The following MBTPS2 variants were observed in gnomAD, a reference collection of about 807,000 sequenced individuals.
MBTPS2 encodes membrane bound transcription factor peptidase, site 2.
A neutral mutation model predicts 35.4 loss-of-function variants in MBTPS2; 2 were observed. The ratio of observed to expected loss-of-function variants is 0.06; its 90% CI spans 0.02 to 0.18. MBTPS2 has a LOEUF of 0.18. Ranked by LOEUF, MBTPS2 falls within the 10% of genes least tolerant of loss-of-function variation. The pLI is 1.00. For missense variants in MBTPS2, 244 were observed against 386.5 expected (o/e 0.63, Z 3.09); for synonymous variants, 125 against 140.4 (o/e 0.89, Z 0.77).
intron 2 of MBTPS2, among the ~76,000 whole-genome samples, chrX:21,843,834 GC>G (rs1237762321): frequency 3.6e-5 from 4 of 111,205 alleles, no homozygotes; most frequent in African/African-American, 1.3e-4. Context: ...TATTAATTGG[GC>G]CGGGCGCAGT....
intron 5 of MBTPS2, among the ~76,000 whole-genome samples, chrX:21,862,921 TATATATATAAAC>T (rs1361611653): frequency 0.029 from 1,642 of 55,966 alleles, 39 homozygotes; most frequent in Non-Finnish European, 0.042. Flanking sequence ...TATATAAACA[TATATATATAAAC>T]ATATATATAT....
Position 21,873,997 on chromosome X carries a change from G to GTATATATATA in MBTPS2, c.971-4044_971-4043insATATATATAT, listed in dbSNP as rs1487065636. On this transcript the variant is annotated intron_variant, in intron 7 of 10. Transcript: ENST00000379484. ...TGTGTCTGTGTGTGTGTGTGTGTGT[G>GTATATATATA]TGTGTATATATATATATATATACTT... Among the ~76,000 whole-genome samples the GTATATATATA allele has an allele frequency of 1.9e-3, 138 of 72,594 alleles. 2 individuals carry two copies. The highest frequency in any genetic ancestry group is 7.0e-3 in the African/African-American group (129 of 18,319). 63.0% of individuals were successfully genotyped at this position (72,594 alleles called of 115,157 possible). A position where few individuals can be genotyped will look rare whatever the true frequency, so the allele number is the denominator to read the frequency against.
At chrX:21,851,474 A>G (rs904091794) in intron 3 of MBTPS2, 35 bp from the exon 4 acceptor site, 1 of 927,372 alleles carries the variant, frequency 1.1e-6, no homozygotes. Flanking sequence ...CTGCACCCCC[A>G]CTGATAATTG....
At chrX:21,848,870 AG>A (rs2092911513) in intron 3 of MBTPS2, among the ~76,000 whole-genome samples, 1 of 112,142 alleles carries the variant, frequency 8.9e-6, no homozygotes, top group South Asian at 3.7e-4. Context: ...AATAAATTCC[AG>A]TTGAATTAAA....
At chrX:21,845,006 C>G (rs56410625) in intron 2 of MBTPS2, among the ~76,000 whole-genome samples, 165 bp from the exon 3 acceptor site, 21 of 112,386 alleles carry the variant, frequency 1.9e-4, no homozygotes, top group African/African-American at 5.5e-4. Flanking sequence ...AACTAGTGCT[C>G]ATGCTGCAGT....
At chrX:21,854,457 AAATC>A (rs752236671) in intron 5 of MBTPS2, among the ~76,000 whole-genome samples, 4 of 112,658 alleles carry the variant, frequency 3.6e-5, no homozygotes, top group African/African-American at 6.4e-5. Flanking sequence ...TGTACAAAAT[AAATC>A]TGTGTAAATA....
chrX:21,842,260 G>T (rs778936949), intron 1 of MBTPS2, among the ~76,000 whole-genome samples: 1 of 111,635 alleles, frequency 9.0e-6, no homozygotes, highest in African/African-American at 3.2e-5. Flanking sequence ...CTGTGTATAA[G>T]CCCCTATCCC....
At position 21,883,387 on chromosome X, in the gene MBTPS2, A is replaced by G. The variant is rs2092961425; in HGVS notation, c.*732A>G. ...TTGACATCCACGGTGAGCTGCAGGA[A>G]GCATCACACACCAGCAGCATGTGAG... On this transcript the variant is annotated 3_prime_UTR_variant, in exon 11 of 11. Coordinates refer to ENST00000379484, the MANE Select transcript of MBTPS2 (RefSeq NM_015884.4). The G allele has an allele frequency of 2.7e-6, 2 of 753,095 alleles. No individual in the cohort carries two copies. The highest frequency in any genetic ancestry group is 2.3e-5 in the African/African-American group (1 of 43,149). The allele number at this position is 753,095 out of a possible 1,213,427, so 62.1% of individuals were successfully genotyped here.
chrX:21,875,220 C>T (rs759440087), intron 7 of MBTPS2, among the ~76,000 whole-genome samples: 2 of 112,123 alleles, frequency 1.8e-5, no homozygotes, highest in East Asian at 5.6e-4. Flanking sequence ...TTTGCTTTGG[C>T]TTGCCCAGTG....
intron 5 of MBTPS2, chrX:21,856,823 C>T (rs1243654909): frequency 1.7e-6 from 2 of 1,211,705 alleles, no homozygotes; most frequent in Non-Finnish European, 2.2e-6. Context: ...GCATTGAAGA[C>T]GAGCACTTCC....
At position 21,845,279 on chromosome X, in the gene MBTPS2, T is replaced by A; in HGVS notation, c.333T>A (p.Ser111=). The A allele has an allele frequency of 8.3e-7, 1 of 1,207,941 alleles. No homozygotes were observed. Among genetic ancestry groups the A allele is most frequent in the Non-Finnish European group, 1.1e-6 (1 of 892,091 alleles). Residue 111 remains serine, a synonymous_variant, in exon 3 of 11, where the codon TCT becomes TCA. Coordinates refer to ENST00000379484, the MANE Select transcript of MBTPS2 (RefSeq NM_015884.4). The stretch of plus-strand genomic sequence containing the variant: ...CACAAATGATGGCTGACTCTCCCTC[T>A]TCTTATTCTTCCTCCTCTTCTTCCT... ...TLAQMMADSP[S]SYSSSSSSSS...
At chrX:21,866,605 A>G (rs2092940047) in intron 5 of MBTPS2, among the ~76,000 whole-genome samples, 1 of 112,148 alleles carries the variant, frequency 8.9e-6, no homozygotes, top group Non-Finnish European at 1.9e-5. Flanking sequence ...CAGGGCCTAT[A>G]TAGAGAAACT....
chrX:21,868,719 C>T, intron 6 of MBTPS2, 134 bp downstream of exon 6: 1 of 523,685 alleles, frequency 1.9e-6, no homozygotes. Context: ...TTACTGTAGT[C>T]CTCTCAAATC....
chrX:21,857,035 C>G lies in MBTPS2; in HGVS notation c.670+3532C>G, dbSNP rs1407114061. ...GTCAAAACGCTGGAGGGTGAGTTTTCCGTGACTATGTGGTCCCCTAACGAT... is the reference window on the plus strand; with the variant it reads ...GTCAAAACGCTGGAGGGTGAGTTTTGCGTGACTATGTGGTCCCCTAACGAT... On this transcript the variant is annotated intron_variant, in intron 5 of 10. Transcript: ENST00000379484. 3 of 1,211,806 alleles carry G rather than the reference C, an allele frequency of 2.5e-6. No individual in the cohort carries two copies. The Admixed American group carries it at 6.5e-5, about 26-fold the overall frequency.
At chrX:21,857,576 G>T (rs375416532) in intron 5 of MBTPS2, 37 of 1,205,147 alleles carry the variant, frequency 3.1e-5, no homozygotes, top group Non-Finnish European at 3.9e-5. Context: ...ACATATTAAC[G>T]CATGTGAAGA....
Position 21,885,409 on chromosome X carries a change from A to C in MBTPS2, c.*2754A>C. 1.3e-6 allele frequency: 1 copy of C among 752,009 alleles called. No individual in the cohort carries two copies. The allele number at this position is 752,009 out of a possible 1,213,427, so 62.0% of individuals were successfully genotyped here. A position where few individuals can be genotyped will look rare whatever the true frequency, so the allele number is the denominator to read the frequency against. On this transcript the variant is annotated 3_prime_UTR_variant, in exon 11 of 11. Transcript: ENST00000379484. The stretch of plus-strand genomic sequence containing the variant: ...AGCAATAAAAGAATAAATGTGTACC[A>C]GCATTTTATGTTTATCATCGTCTAT...
chrX:21,882,577 G>T lies in MBTPS2; in HGVS notation c.1482G>T (p.Gly494=), dbSNP rs73195148. 11 of 1,210,091 alleles carry T rather than the reference G, an allele frequency of 9.1e-6. No individual in the cohort carries two copies. Among genetic ancestry groups the T allele is most frequent in the Non-Finnish European group, 1.2e-5 (11 of 895,186 alleles). ...IGDNDVKDLI[G]FFILLGGSVL... Reference sequence around the variant, plus strand: ...ACAATGATGTCAAAGATCTAATAGGGTTTTTCATCTTGCTGGGTGGCAGTG... The same window carrying T: ...ACAATGATGTCAAAGATCTAATAGGTTTTTTCATCTTGCTGGGTGGCAGTG... Residue 494 remains glycine (G), a synonymous_variant, in exon 11 of 11, where the codon GGG becomes GGT. Coordinates refer to ENST00000379484, the MANE Select transcript of MBTPS2 (RefSeq NM_015884.4).
chrX:21,856,149 T>G, intron 5 of MBTPS2: 1 of 238,889 alleles, frequency 4.2e-6, no homozygotes, highest in Non-Finnish European at 7.5e-6. Context: ...CTGGGCGGGG[T>G]CGCAGGGTGG....
intron 7 of MBTPS2, chrX:21,872,077 T>C (rs770014692): frequency 3.9e-4 from 43 of 111,504 alleles, no homozygotes; most frequent in Admixed American, 9.6e-4. Flanking sequence ...CCTCTTACCA[T>C]CTTCCAAAAC....
Sources: gnomAD v4.1 joint callset for allele counts (sites outside exome capture counted in the v4.1 genomes callset) on GRCh38, gnomAD v4.1.1 for gene constraint, MANE v1.5 for transcripts, NCBI Gene and HGNC (gene_info 2026-07-23, HGNC 2026-07-21) for gene names.